Variants in ADAMTSL3 observed in about 807,000 individuals in gnomAD.
ADAMTSL3 encodes ADAMTS-like protein 3.
Under a neutral mutation model 201.7 loss-of-function variants are expected in ADAMTSL3, and 128 were observed. The observed-to-expected ratio is 0.63, with a 90% CI of 0.55 to 0.73. The LOEUF (loss-of-function observed/expected upper bound fraction) is 0.73. Ranked by LOEUF, ADAMTSL3 falls within the 30% of genes least tolerant of loss-of-function variation. ADAMTSL3 has a pLI of 0.00. For missense variants in ADAMTSL3, 1,990 were observed against 2,119.6 expected, an observed-to-expected ratio of 0.94 and a Z score of 1.20; for synonymous variants, 738 against 748.4, an observed-to-expected ratio of 0.99 and a Z score of 0.23.
At chr15:83,851,323 C>A (rs1191673082) in intron 7 of ADAMTSL3, among the ~76,000 whole-genome samples, 1 of 152,078 alleles carries the variant, frequency 6.6e-6, no homozygotes, top group East Asian at 1.9e-4. Flanking sequence ...GCAGCTCCAC[C>A]CAGAAGAACA....
At chr15:83,988,229 C>G (rs1227570512) in intron 21 of ADAMTSL3, among the ~76,000 whole-genome samples, 1 of 152,194 alleles carries the variant, frequency 6.6e-6, no homozygotes, top group Admixed American at 6.6e-5. Flanking sequence ...AGACCATAAT[C>G]CATTGCAAAG....
intron 3 of ADAMTSL3, among the ~76,000 whole-genome samples, chr15:83,741,717 C>G (rs2062458365): frequency 1.3e-5 from 2 of 152,146 alleles, no homozygotes; most frequent in South Asian, 4.1e-4. Context: ...ATATATTTGG[C>G]TGGGTATGGT....
At chr15:83,673,535 G>T (rs2061355073) in intron 2 of ADAMTSL3, among the ~76,000 whole-genome samples, 1 of 152,136 alleles carries the variant, frequency 6.6e-6, no homozygotes, top group African/African-American at 2.4e-5. Flanking sequence ...AGGACACAGA[G>T]TGCATTGAGT....
chr15:83,738,122 A>C (rs2062396432), intron 3 of ADAMTSL3, among the ~76,000 whole-genome samples: 1 of 152,240 alleles, frequency 6.6e-6, no homozygotes, highest in African/African-American at 2.4e-5. Flanking sequence ...AGAATCTAAC[A>C]AGAGGAAAAC....
chr15:83,717,724 A>G (rs919884936), intron 3 of ADAMTSL3, among the ~76,000 whole-genome samples: 3 of 152,358 alleles, frequency 2.0e-5, no homozygotes, highest in Admixed American at 1.3e-4. Flanking sequence ...AAAAAAACCT[A>G]TGATTCCCAT....
chr15:83,739,393 T>A (rs2062419143), intron 3 of ADAMTSL3, among the ~76,000 whole-genome samples: 2 of 150,120 alleles, frequency 1.3e-5, no homozygotes, highest in African/African-American at 4.9e-5. Flanking sequence ...AATGGAAAAT[T>A]CCATACCTGA....
intron 4 of ADAMTSL3, among the ~76,000 whole-genome samples, chr15:83,778,320 T>C (rs1429295064): frequency 6.6e-6 from 1 of 152,042 alleles, no homozygotes; most frequent in African/African-American, 2.4e-5. Context: ...CCAAGAGACA[T>C]AGCCATTAGA....
At chr15:83,867,419 C>T (rs757720944) in intron 8 of ADAMTSL3, among the ~76,000 whole-genome samples, 5 of 152,182 alleles carry the variant, frequency 3.3e-5, no homozygotes, top group Non-Finnish European at 7.3e-5. Context: ...AAGCAGATCC[C>T]TGCAAAACAG....
intron 19 of ADAMTSL3, among the ~76,000 whole-genome samples, chr15:83,964,422 T>C (rs946562577): frequency 1.3e-5 from 2 of 151,298 alleles, no homozygotes; most frequent in Non-Finnish European, 2.9e-5. Context: ...AACAAGGATA[T>C]CAGAGATTGA....
At chr15:83,742,926 T>A (rs1284990690) in intron 3 of ADAMTSL3, among the ~76,000 whole-genome samples, 7 of 152,226 alleles carry the variant, frequency 4.6e-5, no homozygotes, top group Admixed American at 3.3e-4. Context: ...CCACATCTGT[T>A]ATTTTCTCTC....
intron 6 of ADAMTSL3, among the ~76,000 whole-genome samples, chr15:83,835,162 A>C (rs891709432): frequency 6.8e-6 from 1 of 147,124 alleles, no homozygotes; most frequent in Non-Finnish European, 1.5e-5. Context: ...TGAACCCAGG[A>C]GGCAGAGCTT....
intron 16 of ADAMTSL3, among the ~76,000 whole-genome samples, chr15:83,913,819 T>C (rs1192763520): frequency 2.0e-5 from 3 of 152,202 alleles, no homozygotes; most frequent in Non-Finnish European, 4.4e-5. Context: ...GGGAACAAAC[T>C]AATCACCATG....
intron 5 of ADAMTSL3, among the ~76,000 whole-genome samples, chr15:83,807,704 C>T (rs1379746281): frequency 6.6e-6 from 1 of 152,032 alleles, no homozygotes; most frequent in Non-Finnish European, 1.5e-5. Context: ...ACACAAAAAA[C>T]AAAACTGGAG....
At chr15:83,677,614 T>A (rs769969009) in intron 2 of ADAMTSL3, among the ~76,000 whole-genome samples, 13 of 152,126 alleles carry the variant, frequency 8.5e-5, no homozygotes, top group Admixed American at 6.5e-5. Flanking sequence ...TAGCATAGTA[T>A]ATGTGTTTTC....
In ADAMTSL3 at chr15:83,839,720, G is replaced by A. The variant is rs2064339280; in HGVS notation, c.727+1505G>A. Among the ~76,000 whole-genome samples the A allele has an allele frequency of 2.0e-5, 3 of 152,168 alleles. No homozygotes were observed. In the South Asian group the frequency reaches 6.2e-4, roughly 32 times the overall value. On this transcript the variant is annotated intron_variant, in intron 7 of 29. Coordinates refer to ENST00000286744, the MANE Select transcript of ADAMTSL3 (RefSeq NM_207517.3). ...TAGCATGTAGAATGAACAGAGTTTG[G>A]TAATTCTTTGAATGACAGCTATAAG...
At chr15:83,777,875 A>T (rs1300560427) in intron 4 of ADAMTSL3, among the ~76,000 whole-genome samples, 1 of 152,212 alleles carries the variant, frequency 6.6e-6, no homozygotes, top group East Asian at 1.9e-4. Context: ...AAAAACCATT[A>T]TAAAACAATA....
At chr15:83,818,365 C>T (rs1036408877) in intron 5 of ADAMTSL3, among the ~76,000 whole-genome samples, 1 of 152,144 alleles carries the variant, frequency 6.6e-6, no homozygotes, top group Admixed American at 6.5e-5. Context: ...CTCGCTCTGT[C>T]ACTCAGGCTG....
chr15:83,738,064 T>TA, intron 3 of ADAMTSL3, among the ~76,000 whole-genome samples: 1 of 152,286 alleles, frequency 6.6e-6, no homozygotes, highest in East Asian at 1.9e-4. Flanking sequence ...GTCTCCGAAA[T>TA]AATTAATCCA....
Position 83,934,694 on chromosome 15 carries a change from G to A in ADAMTSL3, c.2118-7902G>A, listed in dbSNP as rs904599570. Among the ~76,000 whole-genome samples the A allele has an allele frequency of 2.0e-5, 3 of 152,218 alleles. No homozygotes were observed. The South Asian group carries it at 6.2e-4, about 32-fold the overall frequency. ...CCATGTGTCAAGGGAGAGACCAGGT[G>A]GAGATAATTGAATGCAGTAATGAAA... On this transcript the variant is annotated intron_variant, in intron 17 of 29. Transcript: ENST00000286744.
Sources: gnomAD v4.1 joint callset for allele counts (sites outside exome capture counted in the v4.1 genomes callset) on GRCh38, gnomAD v4.1.1 for gene constraint, MANE v1.5 for transcripts, NCBI Gene and HGNC (gene_info 2026-07-23, HGNC 2026-07-21) for gene names.